C3orf20: variants seen among roughly 807,000 people sequenced by gnomAD.
C3orf20 encodes the protein uncharacterized protein C3orf20.
A neutral mutation model predicts 88.3 loss-of-function variants in C3orf20; 76 were observed. The observed-to-expected ratio is 0.86, with a 90% CI of 0.72 to 1.04. The LOEUF is 1.04. Ranked by LOEUF, C3orf20 falls within the 50% of genes least tolerant of loss-of-function variation. The pLI is 0.00. For missense variants in C3orf20, 1,056 were observed against 1,123.3 expected (o/e 0.94, Z 0.86); for synonymous variants, 436 against 437.4 (o/e 1.00, Z 0.04).
At chr3:14,738,815 G>GTTTTTTTTTTTT (rs71038433) in intron 12 of C3orf20, among the ~76,000 whole-genome samples, 1 of 97,768 alleles carries the variant, frequency 1.0e-5, no homozygotes, top group African/African-American at 3.6e-5. Context: ...TAATTTTTTT[G>GTTTTTTTTTTTT]TTTTTTTTTT....
intron 4 of C3orf20, among the ~76,000 whole-genome samples, chr3:14,688,710 A>G (rs565846249): frequency 1.3e-5 from 2 of 152,108 alleles, no homozygotes; most frequent in East Asian, 1.9e-4. Context: ...TAAAAATGCA[A>G]AAAAGAGGAA....
At position 14,721,598 on chromosome 3, in the gene C3orf20, G is replaced by T. The variant is rs59534618; in HGVS notation, c.1435-55G>T. ...TGTGCTTCGTGGTGGGTCAGGAAGG[G>T]GTGGCTGGGGCCGTTGAAGCAGGGA... On this transcript the variant is annotated intron_variant, in intron 9 of 16. Transcript: ENST00000253697. 2.7e-3 allele frequency: 4,384 copies of T among 1,599,648 alleles called. 87 individuals carry two copies. In the African/African-American group the frequency reaches 0.049, roughly 18 times the overall value.
chr3:14,739,677 C>G (rs2034842714), intron 12 of C3orf20, among the ~76,000 whole-genome samples: 3 of 152,216 alleles, frequency 2.0e-5, no homozygotes, highest in African/African-American at 7.2e-5. Flanking sequence ...CAGTAGAAGG[C>G]TCTTTCATGT....
At chr3:14,732,231 C>T (rs896414574) in intron 12 of C3orf20, among the ~76,000 whole-genome samples, 2 of 152,192 alleles carry the variant, frequency 1.3e-5, no homozygotes, top group Non-Finnish European at 2.9e-5. Flanking sequence ...ATTTGCATTT[C>T]CCTAATAACT....
At chr3:14,732,438 TC>T (rs1353836516) in intron 12 of C3orf20, among the ~76,000 whole-genome samples, 2 of 152,236 alleles carry the variant, frequency 1.3e-5, no homozygotes, top group Non-Finnish European at 2.9e-5. Flanking sequence ...AATTTTTTAT[TC>T]TCTTGACAGT....
intron 12 of C3orf20, among the ~76,000 whole-genome samples, chr3:14,744,517 C>T (rs1439157874): frequency 6.6e-6 from 1 of 151,992 alleles, no homozygotes; most frequent in Non-Finnish European, 1.5e-5. Flanking sequence ...GTCACTTCCA[C>T]ATTTTCGGGT....
chr3:14,744,135 T>C (rs2034993251), intron 12 of C3orf20, among the ~76,000 whole-genome samples: 1 of 152,036 alleles, frequency 6.6e-6, no homozygotes. Flanking sequence ...TCTGCTTCCC[T>C]TATAAAACTG....
chr3:14,761,705 G>A, intron 15 of C3orf20, 90 bp downstream of exon 15: 1 of 1,393,610 alleles, frequency 7.2e-7, no homozygotes, highest in Non-Finnish European at 1.0e-6. Context: ...GGAACTGAGG[G>A]GAGCAGGCGG....
intron 5 of C3orf20, among the ~76,000 whole-genome samples, chr3:14,700,405 C>G (rs549778102): frequency 6.6e-6 from 1 of 152,284 alleles, no homozygotes; most frequent in South Asian, 2.1e-4. Flanking sequence ...TTGTTAATCT[C>G]TTAGGGTCTA....
intron 10 of C3orf20, 31 bp from the exon 11 acceptor site, chr3:14,726,870 G>A (rs1417098437): frequency 1.2e-6 from 2 of 1,612,996 alleles, no homozygotes; most frequent in Non-Finnish European, 1.7e-6. Flanking sequence ...AGGGGATGGT[G>A]ACACCCGCCC....
intron 12 of C3orf20, among the ~76,000 whole-genome samples, chr3:14,729,748 G>A (rs966941194): frequency 6.6e-6 from 1 of 152,222 alleles, no homozygotes; most frequent in Non-Finnish European, 1.5e-5. Flanking sequence ...GTTTTGCCAT[G>A]TTGGCCAGGC....
intron 10 of C3orf20, among the ~76,000 whole-genome samples, chr3:14,724,019 A>G (rs1168178917): frequency 1.3e-5 from 2 of 151,950 alleles, no homozygotes; most frequent in Non-Finnish European, 2.9e-5. Flanking sequence ...GGGTTTCACC[A>G]TGTTGGCCAG....
At position 14,684,924 on chromosome 3, in the gene C3orf20, C is replaced by G. The variant is rs116622185; in HGVS notation, c.625+542C>G. Among the ~76,000 whole-genome samples, 164 of 152,330 alleles carry G rather than the reference C, an allele frequency of 1.1e-3. 1 individual carries two copies. Among genetic ancestry groups the G allele is most frequent in the African/African-American group, 3.7e-3 (155 of 41,586 alleles). ...TGCAGGCAGGCATGGTGGCTTATGC[C>G]TGTAATCCCAGCACTTTGGGAGGCC... On this transcript the variant is annotated intron_variant, in intron 4 of 16. Coordinates refer to ENST00000253697, the MANE Select transcript of C3orf20 (RefSeq NM_032137.5).
At position 14,715,276 on chromosome 3, in the gene C3orf20, G is replaced by A. The variant is rs755065197; in HGVS notation, c.1314-13G>A. On this transcript the variant is annotated splice_polypyrimidine_tract_variant and intron_variant, in intron 8 of 16. Coordinates refer to ENST00000253697, the MANE Select transcript of C3orf20 (RefSeq NM_032137.5). Reference sequence around the variant, plus strand: ...GGCCCGGTGGCAGCTACTCACTTCTGTATCTCTCCTAGTTGCCCATATGTC... The same window carrying A: ...GGCCCGGTGGCAGCTACTCACTTCTATATCTCTCCTAGTTGCCCATATGTC... The A allele has an allele frequency of 6.2e-6, 10 of 1,610,138 alleles. No individual in the cohort carries two copies. The highest frequency in any genetic ancestry group is 2.7e-5 in the African/African-American group (2 of 74,866).
chr3:14,715,509 C>A, intron 9 of C3orf20, 100 bp downstream of exon 9: 1 of 1,418,508 alleles, frequency 7.0e-7, no homozygotes, highest in Non-Finnish European at 9.4e-7. Flanking sequence ...AAGCCCAGGG[C>A]TACCCGTAAG....
At chr3:14,696,031 G>A (rs2124919262) in intron 5 of C3orf20, among the ~76,000 whole-genome samples, 1 of 151,258 alleles carries the variant, frequency 6.6e-6, no homozygotes. Flanking sequence ...TTCTCTGGTT[G>A]TTTTGTGGTC....
intron 1 of C3orf20, among the ~76,000 whole-genome samples, chr3:14,677,093 C>G (rs984755563): frequency 1.3e-5 from 2 of 152,322 alleles, no homozygotes; most frequent in African/African-American, 2.4e-5. Context: ...CAGTCACGCG[C>G]TGACATCTGG....
Position 14,726,892 on chromosome 3 carries a change from C to T in C3orf20, c.1567-9C>T, listed in dbSNP as rs373911977. 20 of 1,613,818 alleles carry T rather than the reference C, an allele frequency of 1.2e-5. No homozygotes were observed. The highest frequency in any genetic ancestry group is 1.7e-5 in the Admixed American group (1 of 59,982). ...GGTGACACCCGCCCTCCCCTTTGCCCCTCTCCAGCTGAACCGCAGAATCAG... is the reference window on the plus strand; with the variant it reads ...GGTGACACCCGCCCTCCCCTTTGCCTCTCTCCAGCTGAACCGCAGAATCAG... On this transcript the variant is annotated splice_polypyrimidine_tract_variant and intron_variant, in intron 10 of 16. Transcript: ENST00000253697.
chr3:14,688,067 G>GA (rs2032521678), intron 4 of C3orf20, among the ~76,000 whole-genome samples: 2 of 152,040 alleles, frequency 1.3e-5, no homozygotes, highest in Admixed American at 6.6e-5. Context: ...ATTTATTTTG[G>GA]AAAAACACTC....
Sources: allele counts gnomAD v4.1 joint callset (sites outside exome capture counted in the v4.1 genomes callset), GRCh38; gene constraint gnomAD v4.1.1; transcripts MANE v1.5; gene names NCBI Gene and HGNC (gene_info 2026-07-23, HGNC 2026-07-21).